SEMA6D: variants seen among roughly 807,000 people sequenced by gnomAD.
SEMA6D encodes the protein semaphorin 6D, also known as semaphorin-6D.
Under a neutral mutation model 106.6 loss-of-function variants are expected in SEMA6D, and 35 were observed. The observed-to-expected ratio is 0.33, with a 90% CI of 0.25 to 0.44. SEMA6D has a LOEUF of 0.44. Ranked by LOEUF, SEMA6D falls within the 20% of genes least tolerant of loss-of-function variation. SEMA6D has a pLI of 1.00. For missense variants in SEMA6D, 1,185 were observed against 1,345.9 expected, an observed-to-expected ratio of 0.88 and a Z score of 1.87; for synonymous variants, 499 against 487.7, an observed-to-expected ratio of 1.02 and a Z score of -0.31.
intron 1 of SEMA6D, among the ~76,000 whole-genome samples, chr15:47,727,400 G>A (rs2079826610): frequency 2.0e-5 from 3 of 152,146 alleles, no homozygotes; most frequent in African/African-American, 7.2e-5. Context: ...ACCACATTTT[G>A]AGAAATGGTG....
chr15:47,319,385 T>C (rs1225286279), intron 1 of SEMA6D, among the ~76,000 whole-genome samples: 2 of 152,188 alleles, frequency 1.3e-5, no homozygotes, highest in African/African-American at 4.8e-5. Context: ...GCTGGACATT[T>C]TGGACTTGGT....
At chr15:47,708,159 A>G (rs915433580) in intron 4 of SEMA6D, among the ~76,000 whole-genome samples, 2 of 152,172 alleles carry the variant, frequency 1.3e-5, no homozygotes, top group African/African-American at 2.4e-5. Flanking sequence ...ACTCAAAAGC[A>G]TTACAATCAT....
At chr15:47,302,579 A>C (rs1183523935) in intron 1 of SEMA6D, among the ~76,000 whole-genome samples, 2 of 152,092 alleles carry the variant, frequency 1.3e-5, no homozygotes, top group Non-Finnish European at 2.9e-5. Context: ...GGTCCATGTA[A>C]TTTTAAGGAT....
In SEMA6D at chr15:47,418,198, A is replaced by C. The variant is rs145728161; in HGVS notation, c.-159+5726A>C. On this transcript the variant is annotated intron_variant, in intron 2 of 19. Transcript: ENST00000558014. ...CAGCAAGCCAGGCAGAAATCTGAGG[A>C]AGATTGTTCTAGGCAGAGAGAACAG... Among the ~76,000 whole-genome samples, 178 of 152,224 alleles carry C rather than the reference A, an allele frequency of 1.2e-3. 1 individual carries two copies. Among genetic ancestry groups the C allele is most frequent in the Non-Finnish European group, 2.0e-3 (133 of 68,002 alleles).
chr15:47,379,131 G>C (rs1193105791), intron 1 of SEMA6D, among the ~76,000 whole-genome samples: 4 of 152,154 alleles, frequency 2.6e-5, no homozygotes, highest in African/African-American at 9.7e-5. Context: ...ACGGTTAACT[G>C]GTTAAGACGT....
intron 3 of SEMA6D, chr15:47,470,623 A>C (rs535508994): frequency 8.5e-5 from 13 of 152,202 alleles, no homozygotes; most frequent in African/African-American, 3.1e-4. Flanking sequence ...TTGAACTTGG[A>C]AGATTCATTC....
intron 1 of SEMA6D, among the ~76,000 whole-genome samples, chr15:47,251,918 T>TGAGTGTTGGGA (rs1227007057): frequency 3.7e-5 from 5 of 134,270 alleles, no homozygotes; most frequent in Admixed American, 7.3e-5. Context: ...TTTTTTTTTT[T>TGAGTGTTGGGA]TTTTTTTTTT....
chr15:47,647,112 C>CAAAG (rs1362704391), intron 4 of SEMA6D, among the ~76,000 whole-genome samples: 4 of 152,124 alleles, frequency 2.6e-5, no homozygotes, highest in African/African-American at 9.7e-5. Flanking sequence ...AAAGACAAGA[C>CAAAG]AAAGCAACAT....
chr15:47,542,816 G>A (rs2045397734), intron 3 of SEMA6D, among the ~76,000 whole-genome samples: 1 of 152,130 alleles, frequency 6.6e-6, no homozygotes, highest in African/African-American at 2.4e-5. Context: ...ATGACTGTGT[G>A]TCTGTTCAAG....
chr15:47,593,569 T>G (rs2076481440), intron 3 of SEMA6D, among the ~76,000 whole-genome samples: 1 of 151,736 alleles, frequency 6.6e-6, no homozygotes, highest in Non-Finnish European at 1.5e-5. Flanking sequence ...CACCAAGACA[T>G]TCTCCCTTCT....
chr15:47,526,759 C>T (rs1292667846), intron 3 of SEMA6D, among the ~76,000 whole-genome samples: 8 of 151,558 alleles, frequency 5.3e-5, no homozygotes, highest in Non-Finnish European at 8.8e-5. Flanking sequence ...TTTTCTGAGA[C>T]GGAGTCTCGC....
chr15:47,229,422 G>T (rs567229836), intron 1 of SEMA6D, among the ~76,000 whole-genome samples: 1 of 152,068 alleles, frequency 6.6e-6, no homozygotes, highest in Non-Finnish European at 1.5e-5. Context: ...TATGGTCATG[G>T]ATAATACATA....
At chr15:47,766,576 G>A (rs1309268166) in intron 15 of SEMA6D, 40 bp from the exon 16 acceptor site, 1 of 1,605,632 alleles carries the variant, frequency 6.2e-7, no homozygotes. Context: ...TTCCTATGAA[G>A]GCTGTTAACC....
Position 47,505,908 on chromosome 15 carries a change from G to A in SEMA6D, c.-87+35363G>A, listed in dbSNP as rs572603192. ...AGAGAGGTTGAGGGGCCAATCAGGAGGAAAGGCTGATGTGTGGGACGTGAT... is the reference window on the plus strand; with the variant it reads ...AGAGAGGTTGAGGGGCCAATCAGGAAGAAAGGCTGATGTGTGGGACGTGAT... On this transcript the variant is annotated intron_variant, in intron 3 of 19. Transcript: ENST00000558014. Among the ~76,000 whole-genome samples, 3 of 152,194 alleles carry A rather than the reference G, an allele frequency of 2.0e-5. No homozygotes were observed. The South Asian group carries it at 6.2e-4, about 32-fold the overall frequency.
chr15:47,403,121 T>G (rs1264940938), intron 1 of SEMA6D, among the ~76,000 whole-genome samples: 1 of 152,208 alleles, frequency 6.6e-6, no homozygotes, highest in Non-Finnish European at 1.5e-5. Context: ...AAGTTTGGAT[T>G]TAATGAGTAG....
At chr15:47,224,269 C>T (rs2031464649) in intron 1 of SEMA6D, among the ~76,000 whole-genome samples, 2 of 151,824 alleles carry the variant, frequency 1.3e-5, no homozygotes, top group East Asian at 3.9e-4. Context: ...ACTTCAAAGA[C>T]CAAGTTGAAT....
chr15:47,290,199 C>T (rs751595641), intron 1 of SEMA6D, among the ~76,000 whole-genome samples: 1 of 152,202 alleles, frequency 6.6e-6, no homozygotes, highest in Non-Finnish European at 1.5e-5. Flanking sequence ...AAGCTTTCAA[C>T]GAAAGCTAAA....
chr15:47,196,032 T>TTG (rs1894326504), intron 1 of SEMA6D, among the ~76,000 whole-genome samples: 1 of 150,848 alleles, frequency 6.6e-6, no homozygotes, highest in Admixed American at 6.6e-5. Context: ...CAGATTTTTT[T>TTG]TTTTTTGGAG....
chr15:47,653,300 A>G (rs1013264797), intron 4 of SEMA6D, among the ~76,000 whole-genome samples: 2 of 152,264 alleles, frequency 1.3e-5, no homozygotes, highest in African/African-American at 2.4e-5. Context: ...GAATCTGCAC[A>G]TAAAAAGAAA....
Sources: gnomAD v4.1 joint callset for allele counts (sites outside exome capture counted in the v4.1 genomes callset) on GRCh38, gnomAD v4.1.1 for gene constraint, MANE v1.5 for transcripts, NCBI Gene and HGNC (gene_info 2026-07-23, HGNC 2026-07-21) for gene names.